The following FGGY variants were observed in gnomAD, a reference collection of about 807,000 sequenced individuals.
FGGY encodes the protein FGGY carbohydrate kinase domain-containing protein.
A neutral mutation model predicts 71.3 loss-of-function variants in FGGY; 72 were observed. That is an observed-to-expected ratio of 1.01 (90% CI 0.84 to 1.23). FGGY has a LOEUF of 1.23. Among genes scored for constraint, FGGY ranks in the 50% most tolerant of loss-of-function variants. The probability of loss-of-function intolerance (pLI) is 0.00; values close to 1 mark genes in which losing one functional copy is unlikely to be tolerated. For synonymous variants in FGGY, 251 were observed against 250.3 expected, an observed-to-expected ratio of 1.00 and a Z score of -0.02; for missense variants, 668 against 682.3, an observed-to-expected ratio of 0.98 and a Z score of 0.23.
At chr1:59,627,452 TTTTATA>T (rs1361393135) in intron 10 of FGGY, among the ~76,000 whole-genome samples, 57 of 47,568 alleles carry the variant, frequency 1.2e-3, no homozygotes, top group African/African-American at 4.5e-3. Flanking sequence ...CAACTTATGA[TTTTATA>T]TATATATATA....
At chr1:59,409,434 GTT>G (rs2063254290) in intron 5 of FGGY, among the ~76,000 whole-genome samples, 1 of 152,136 alleles carries the variant, frequency 6.6e-6, no homozygotes, top group African/African-American at 2.4e-5. Context: ...TATTCAAGCC[GTT>G]GAGAAAGGGA....
At chr1:59,545,451 T>A (rs1248066239) in intron 7 of FGGY, among the ~76,000 whole-genome samples, 1 of 152,226 alleles carries the variant, frequency 6.6e-6, no homozygotes, top group African/African-American at 2.4e-5. Flanking sequence ...CCATGCCTAA[T>A]GTCTGAGAAT....
At chr1:59,591,112 T>C (rs1345380309) in intron 8 of FGGY, among the ~76,000 whole-genome samples, 1 of 152,048 alleles carries the variant, frequency 6.6e-6, no homozygotes, top group Non-Finnish European at 1.5e-5. Flanking sequence ...AAAATCAATG[T>C]GCAAAAATCA....
At chr1:59,656,368 CT>C (rs1237245626) in intron 11 of FGGY, among the ~76,000 whole-genome samples, 1 of 152,220 alleles carries the variant, frequency 6.6e-6, no homozygotes, top group Non-Finnish European at 1.5e-5. Flanking sequence ...CCCAGGACTT[CT>C]TTGGCACTCC....
chr1:59,580,693 CTG>C (rs1558422035), intron 8 of FGGY, among the ~76,000 whole-genome samples: 1 of 152,154 alleles, frequency 6.6e-6, no homozygotes. Context: ...CTGCATGCAA[CTG>C]TATGAATCCT....
intron 2 of FGGY, among the ~76,000 whole-genome samples, chr1:59,337,591 A>G (rs1268686715): frequency 2.0e-5 from 3 of 152,204 alleles, no homozygotes; most frequent in Non-Finnish European, 4.4e-5. Context: ...ATTGAGCATC[A>G]CACTGAGTAT....
intron 6 of FGGY, among the ~76,000 whole-genome samples, chr1:59,482,568 A>ATGTG (rs1261983852): frequency 2.7e-5 from 3 of 109,318 alleles, no homozygotes; most frequent in African/African-American, 3.9e-5. Context: ...ATGTGTATAT[A>ATGTG]TATGTGTGTG....
intron 14 of FGGY, among the ~76,000 whole-genome samples, chr1:59,732,261 G>A (rs972700130): frequency 6.6e-6 from 1 of 152,152 alleles, no homozygotes; most frequent in Non-Finnish European, 1.5e-5. Flanking sequence ...GTACATATGG[G>A]CTTAGCTAAG....
intron 4 of FGGY, among the ~76,000 whole-genome samples, chr1:59,372,004 A>G (rs1459440969): frequency 7.2e-5 from 11 of 152,178 alleles, no homozygotes; most frequent in South Asian, 4.2e-4. Flanking sequence ...AAGAACTAGA[A>G]AAGCAAGAGC....
rs1468118438 is a variant in FGGY, at chr1:59,585,503, C to T, written c.904-22300C>T. The stretch of plus-strand genomic sequence containing the variant: ...TGAAACTGGATCCCTTCCTTACACC[C>T]TATACAAAAATTAATTCAAAATGGA... On this transcript the variant is annotated intron_variant, in intron 8 of 15. Coordinates refer to ENST00000303721, the MANE Select transcript of FGGY (RefSeq NM_018291.5). 6.6e-5 allele frequency among the ~76,000 whole-genome samples: 10 copies of T among 152,080 alleles called. 1 individual carries two copies. Among genetic ancestry groups the T allele is most frequent in the Admixed American group, 6.5e-4 (10 of 15,272 alleles).
chr1:59,313,057 C>T (rs2044668754), intron 1 of FGGY, among the ~76,000 whole-genome samples: 1 of 152,134 alleles, frequency 6.6e-6, no homozygotes, highest in Non-Finnish European at 1.5e-5. Context: ...GAGTTTCTGA[C>T]CTAGTTGGTC....
chr1:59,712,523 C>T (rs1213968287), intron 14 of FGGY, among the ~76,000 whole-genome samples: 1 of 152,192 alleles, frequency 6.6e-6, no homozygotes, highest in Non-Finnish European at 1.5e-5. Flanking sequence ...GAGGACCTCA[C>T]CCCTATAGCA....
intron 8 of FGGY, among the ~76,000 whole-genome samples, chr1:59,589,567 C>T (rs1300104797): frequency 6.6e-6 from 1 of 152,150 alleles, no homozygotes; most frequent in Non-Finnish European, 1.5e-5. Context: ...TGTAAAAGAA[C>T]AGAAATTATA....
At chr1:59,562,460 C>A (rs531370921) in intron 8 of FGGY, among the ~76,000 whole-genome samples, 1 of 152,140 alleles carries the variant, frequency 6.6e-6, no homozygotes, top group Non-Finnish European at 1.5e-5. Flanking sequence ...GGCTTTTGTT[C>A]CTGGCCTTCT....
intron 5 of FGGY, among the ~76,000 whole-genome samples, chr1:59,381,184 G>T (rs1002247447): frequency 2.0e-5 from 3 of 152,032 alleles, no homozygotes; most frequent in Non-Finnish European, 2.9e-5. Context: ...ATGCTGTTTT[G>T]GTTACTGTAG....
At position 59,340,034 on chromosome 1, in the gene FGGY, A is replaced by G. The variant is rs746050054; in HGVS notation, c.278A>G (p.Asp93Gly). Residue 93 changes from aspartate to glycine, a missense_variant, in exon 3 of 16, where the codon GAT becomes GGT. Transcript: ENST00000303721. ...GCCACGTGTTCTCTGGTTGTTTTGG[A>G]TAAGCAGTTTCACCCATTACCAGTC... Reference protein sequence around the residue: ...FDATCSLVVLDKQFHPLPVNQ... With the variant: ...FDATCSLVVLGKQFHPLPVNQ... 1.2e-6 allele frequency: 2 copies of G among 1,613,128 alleles called. No homozygotes were observed. Among genetic ancestry groups the G allele is most frequent in the South Asian group, 1.1e-5 (1 of 90,902 alleles).
intron 6 of FGGY, among the ~76,000 whole-genome samples, chr1:59,488,698 A>G (rs2093732013): frequency 6.6e-6 from 1 of 151,780 alleles, no homozygotes; most frequent in African/African-American, 2.4e-5. Context: ...CTGTGTAACG[A>G]TTTTTAAAAC....
At chr1:59,372,102 C>G (rs2057758124) in intron 4 of FGGY, among the ~76,000 whole-genome samples, 1 of 152,048 alleles carries the variant, frequency 6.6e-6, no homozygotes, top group African/African-American at 2.4e-5. Context: ...AAAAACCCTT[C>G]AAAAAGTTAA....
chr1:59,576,332 AAGC>A (rs2096074385), intron 8 of FGGY, among the ~76,000 whole-genome samples: 1 of 152,110 alleles, frequency 6.6e-6, no homozygotes, highest in Non-Finnish European at 1.5e-5. Flanking sequence ...TCTCACTCAT[AAGC>A]AGGAGTTGAA....
Sources: allele counts gnomAD v4.1 joint callset (sites outside exome capture counted in the v4.1 genomes callset), GRCh38; gene constraint gnomAD v4.1.1; transcripts MANE v1.5; gene names NCBI Gene and HGNC (gene_info 2026-07-23, HGNC 2026-07-21).